The following MTUS2 variants were observed in gnomAD, a reference collection of about 807,000 sequenced individuals.
MTUS2 encodes microtubule-associated tumor suppressor candidate 2.
In MTUS2, 40 loss-of-function variants were observed where a neutral mutation model predicts 114.1. The ratio of observed to expected loss-of-function variants is 0.35; its 90% CI spans 0.27 to 0.46. The LOEUF is 0.46. MTUS2 is among the 20% of genes least tolerant of loss of function. The pLI is 1.00. For missense variants in MTUS2, 1,679 were observed against 1,705.4 expected, an observed-to-expected ratio of 0.98 and a Z score of 0.27; for synonymous variants, 688 against 672.0, an observed-to-expected ratio of 1.02 and a Z score of -0.37.
At chr13:29,282,695 G>A (rs1898322097) in intron 6 of MTUS2, among the ~76,000 whole-genome samples, 1 of 152,124 alleles carries the variant, frequency 6.6e-6, no homozygotes, top group African/African-American at 2.4e-5. Context: ...ATCCATACCA[G>A]TGTTTATTCC....
intron 4 of MTUS2, among the ~76,000 whole-genome samples, chr13:29,074,505 A>G (rs9508258): frequency 0.98 from 149,170 of 152,274 alleles, 73,106 homozygotes; most frequent in Non-Finnish European, 1. Context: ...CGCGGTGTAC[A>G]TTCAATGATT....
intron 5 of MTUS2, among the ~76,000 whole-genome samples, chr13:29,149,120 C>A (rs1341444843): frequency 6.6e-6 from 1 of 152,158 alleles, no homozygotes; most frequent in Non-Finnish European, 1.5e-5. Context: ...TCCACAATGT[C>A]AGTTGAACTA....
intron 4 of MTUS2, among the ~76,000 whole-genome samples, chr13:29,086,923 A>T (rs1229077007): frequency 1.3e-5 from 2 of 152,120 alleles, no homozygotes; most frequent in Non-Finnish European, 2.9e-5. Flanking sequence ...TTATTGGTGT[A>T]TATGGTACTG....
chr13:29,033,298 GTTT>G (rs947694339), intron 3 of MTUS2, among the ~76,000 whole-genome samples: 1 of 152,142 alleles, frequency 6.6e-6, no homozygotes, highest in African/African-American at 2.4e-5. Context: ...TCAGGCTCAG[GTTT>G]TTAACTAGGT....
intron 5 of MTUS2, among the ~76,000 whole-genome samples, chr13:29,151,391 T>C (rs1181042157): frequency 6.6e-6 from 1 of 152,224 alleles, no homozygotes; most frequent in East Asian, 1.9e-4. Context: ...ATTAATTTTG[T>C]ATTCAGAAAC....
chr13:29,223,954 C>T (rs1896007281), intron 5 of MTUS2, among the ~76,000 whole-genome samples: 1 of 152,244 alleles, frequency 6.6e-6, no homozygotes, highest in Non-Finnish European at 1.5e-5. Context: ...AGCGCCTGTG[C>T]TGGCACCTGG....
chr13:29,471,561 GAGAC>G (rs1266737002), intron 9 of MTUS2, among the ~76,000 whole-genome samples: 2 of 152,138 alleles, frequency 1.3e-5, no homozygotes, highest in African/African-American at 2.4e-5. Flanking sequence ...ACTGCTGCGG[GAGAC>G]AGACAGGTAA....
Position 29,419,614 on chromosome 13 carries a change from C to G in MTUS2, c.3118-20369C>G, listed in dbSNP as rs563453335. ...CATTCTTTCCAAAGCAGTGCTTTCA[C>G]TTTAACAGTAGACAATAGCTACTGT... On this transcript the variant is annotated intron_variant, in intron 8 of 15. Coordinates refer to ENST00000612955, the MANE Select transcript of MTUS2 (RefSeq NM_001033602.4). Among the ~76,000 whole-genome samples, 5 of 152,326 alleles carry G rather than the reference C, an allele frequency of 3.3e-5. No homozygotes were observed. The South Asian group carries it at 8.3e-4, about 25-fold the overall frequency.
intron 4 of MTUS2, among the ~76,000 whole-genome samples, chr13:29,077,623 C>G (rs974691137): frequency 6.6e-6 from 1 of 152,192 alleles, no homozygotes; most frequent in Non-Finnish European, 1.5e-5. Context: ...TATCAGTGAG[C>G]CACAGTGCTC....
intron 2 of MTUS2, among the ~76,000 whole-genome samples, chr13:28,976,628 G>A (rs959255327): frequency 6.6e-6 from 1 of 152,198 alleles, no homozygotes; most frequent in Admixed American, 6.5e-5. Flanking sequence ...ACAGTAGGAG[G>A]AGATGAGAGA....
chr13:28,919,566 T>C (rs1880932729), intron 2 of MTUS2, among the ~76,000 whole-genome samples: 1 of 152,168 alleles, frequency 6.6e-6, no homozygotes, highest in Non-Finnish European at 1.5e-5. Flanking sequence ...GGATTAAATC[T>C]GCTTGGTGTT....
chr13:29,301,554 A>G (rs946435579), intron 6 of MTUS2, among the ~76,000 whole-genome samples: 2 of 152,246 alleles, frequency 1.3e-5, no homozygotes, highest in African/African-American at 4.8e-5. Flanking sequence ...TTTCTATCAC[A>G]GAATTTGGAT....
intron 7 of MTUS2, among the ~76,000 whole-genome samples, chr13:29,356,592 A>G (rs760138691): frequency 6.6e-5 from 10 of 152,204 alleles, no homozygotes; most frequent in African/African-American, 2.2e-4. Context: ...CAGACAGTAC[A>G]TCAGGGAATC....
chr13:29,271,242 C>T (rs1262996695), intron 5 of MTUS2, among the ~76,000 whole-genome samples: 3 of 152,182 alleles, frequency 2.0e-5, no homozygotes, highest in African/African-American at 4.8e-5. Context: ...CTAACTTGTA[C>T]TTTCTGTCCC....
intron 8 of MTUS2, among the ~76,000 whole-genome samples, chr13:29,422,130 A>G (rs748027318): frequency 6.6e-6 from 1 of 152,218 alleles, no homozygotes; most frequent in Non-Finnish European, 1.5e-5. Context: ...TATCCAGGTT[A>G]TCACACAAGC....
intron 10 of MTUS2, chr13:29,487,667 C>T (rs1183105255): frequency 1.8e-6 from 1 of 557,964 alleles, no homozygotes; most frequent in East Asian, 3.1e-5. Context: ...GTACCTCAGG[C>T]AGTGATCCCC....
chr13:28,919,704 C>G (rs1367302071), intron 2 of MTUS2, among the ~76,000 whole-genome samples: 1 of 152,078 alleles, frequency 6.6e-6, no homozygotes, highest in Non-Finnish European at 1.5e-5. Context: ...CCAAAAAACT[C>G]TTAGATTTGC....
chr13:29,212,305 C>T (rs1272064710), intron 5 of MTUS2, among the ~76,000 whole-genome samples: 1 of 152,038 alleles, frequency 6.6e-6, no homozygotes, highest in Non-Finnish European at 1.5e-5. Flanking sequence ...GGTTGGAGAA[C>T]ATACTTTGGA....
At chr13:29,366,570 T>C (rs1870731624) in intron 8 of MTUS2, among the ~76,000 whole-genome samples, 1 of 152,108 alleles carries the variant, frequency 6.6e-6, no homozygotes. Flanking sequence ...CCTCAGGGGG[T>C]AGAGTATGCC....
Sources: gnomAD v4.1 joint callset for allele counts (sites outside exome capture counted in the v4.1 genomes callset) on GRCh38, gnomAD v4.1.1 for gene constraint, MANE v1.5 for transcripts, NCBI Gene and HGNC (gene_info 2026-07-23, HGNC 2026-07-21) for gene names.